GALNTL6: variants seen among roughly 807,000 people sequenced by gnomAD.
The protein encoded by GALNTL6 is polypeptide N-acetylgalactosaminyltransferase like 6.
In GALNTL6, 46 loss-of-function variants were observed where a neutral mutation model predicts 73.7. The observed-to-expected ratio is 0.62, with a 90% CI of 0.49 to 0.80. GALNTL6 has a LOEUF of 0.80. Ranked by LOEUF, GALNTL6 falls within the 30% of genes least tolerant of loss-of-function variation. The probability of loss-of-function intolerance (pLI) is 0.00; values close to 1 mark genes in which losing one functional copy is unlikely to be tolerated. For synonymous variants in GALNTL6, 259 were observed against 263.7 expected, an observed-to-expected ratio of 0.98 and a Z score of 0.17; for missense variants, 604 against 755.0, an observed-to-expected ratio of 0.80 and a Z score of 2.34.
At chr4:173,027,066 C>A (rs1347001603) in intron 12 of GALNTL6, among the ~76,000 whole-genome samples, 2 of 152,168 alleles carry the variant, frequency 1.3e-5, no homozygotes, top group African/African-American at 2.4e-5. Context: ...TGGCTCCCAG[C>A]AATCTCCACC....
intron 2 of GALNTL6, among the ~76,000 whole-genome samples, chr4:172,219,439 C>T (rs972537041): frequency 1.3e-5 from 2 of 151,440 alleles, no homozygotes; most frequent in African/African-American, 4.8e-5. Flanking sequence ...CCATTCAATT[C>T]CTATATTTAT....
chr4:172,971,677 G>A (rs1378548868), intron 10 of GALNTL6, among the ~76,000 whole-genome samples: 2 of 152,140 alleles, frequency 1.3e-5, no homozygotes, highest in Non-Finnish European at 2.9e-5. Flanking sequence ...GAGAAAGGTA[G>A]AGTTAGGCAT....
chr4:172,881,019 T>C (rs996422331), intron 7 of GALNTL6, among the ~76,000 whole-genome samples: 1 of 152,212 alleles, frequency 6.6e-6, no homozygotes, highest in African/African-American at 2.4e-5. Context: ...AGTGTAAGTT[T>C]TGGTGCCCTT....
chr4:172,442,284 A>C (rs1731862703), intron 5 of GALNTL6, among the ~76,000 whole-genome samples: 1 of 152,070 alleles, frequency 6.6e-6, no homozygotes, highest in African/African-American at 2.4e-5. Context: ...TCTCATTCTC[A>C]TATTTAAGTT....
At chr4:172,632,058 C>A (rs1739418635) in intron 5 of GALNTL6, among the ~76,000 whole-genome samples, 1 of 152,198 alleles carries the variant, frequency 6.6e-6, no homozygotes. Context: ...CTTTGTTCCT[C>A]TTTTGCCCTC....
At chr4:172,679,871 C>T (rs1732532368) in intron 5 of GALNTL6, among the ~76,000 whole-genome samples, 1 of 152,102 alleles carries the variant, frequency 6.6e-6, no homozygotes, top group African/African-American at 2.4e-5. Flanking sequence ...GTCTCCGTGT[C>T]TTCTCCCAAT....
chr4:172,226,315 C>T (rs7692991), intron 2 of GALNTL6, among the ~76,000 whole-genome samples: 10,810 of 152,182 alleles, frequency 0.071, 408 homozygotes, highest in South Asian at 0.091. Context: ...TCCAGTCTTT[C>T]CCTCAACCTC....
chr4:172,760,252 T>A lies in GALNTL6; in HGVS notation c.554-49109T>A, dbSNP rs74712766. 6.8e-4 allele frequency among the ~76,000 whole-genome samples: 104 copies of A among 152,312 alleles called. 1 individual carries two copies. In the East Asian group the frequency reaches 0.017, roughly 26 times the overall value. The stretch of plus-strand genomic sequence containing the variant: ...TACTTTGGTTTCTCAGAACCTCTGA[T>A]GTGGGCCAGTTCCTCCTTGTGGGTC... On this transcript the variant is annotated intron_variant, in intron 5 of 12. Transcript: ENST00000506823.
chr4:172,038,675 T>G (rs989781717), intron 2 of GALNTL6, among the ~76,000 whole-genome samples: 2 of 152,214 alleles, frequency 1.3e-5, no homozygotes, highest in Admixed American at 1.3e-4. Context: ...CACCGGTCAT[T>G]TGTTATTCAA....
chr4:172,577,445 A>T (rs1429156475), intron 5 of GALNTL6, among the ~76,000 whole-genome samples: 2 of 152,192 alleles, frequency 1.3e-5, no homozygotes, highest in East Asian at 3.9e-4. Context: ...TGGTCGACAT[A>T]ACATCACTGT....
At position 173,021,614 on chromosome 4, in the gene GALNTL6, G is replaced by C; in HGVS notation, c.1627G>C (p.Gly543Arg). 2.2e-5 allele frequency: 36 copies of C among 1,614,024 alleles called. No individual in the cohort carries two copies. Among genetic ancestry groups the C allele is most frequent in the Non-Finnish European group, 3.0e-5 (35 of 1,179,974 alleles). Reference protein sequence around the residue: ...CHGMKGNQLWGYRKDRTLFHP... With the variant: ...CHGMKGNQLWRYRKDRTLFHP... ...TGGCATGAAGGGGAACCAGCTCTGGGGATACCGGAAGGTAAGAGTCAGTCC... is the reference window on the plus strand; with the variant it reads ...TGGCATGAAGGGGAACCAGCTCTGGCGATACCGGAAGGTAAGAGTCAGTCC... Residue 543 changes from glycine (G) to arginine (R), a missense_variant, in exon 12 of 13, where the codon GGA (glycine) becomes CGA (arginine). Coordinates refer to ENST00000506823, the MANE Select transcript of GALNTL6 (RefSeq NM_001034845.3).
intron 5 of GALNTL6, among the ~76,000 whole-genome samples, chr4:172,390,795 A>T (rs1743640519): frequency 6.6e-6 from 1 of 152,226 alleles, no homozygotes; most frequent in South Asian, 2.1e-4. Context: ...GCTTTAATTA[A>T]TAGTGTTATA....
rs765984611 is a variant in GALNTL6 at position 171,853,012 on chromosome 4, AT to A, written c.138+38318del. On this transcript the variant is annotated intron_variant, in intron 2 of 12. Transcript: ENST00000506823. ...CAGGCGCCGCCACCACGCCCGGCTA[AT>A]TTTTTTTTTTTTTTTTTTTTTTTGT... Among the ~76,000 whole-genome samples the A allele has an allele frequency of 7.3e-3, 636 of 86,798 alleles. 2 individuals carry two copies. Among genetic ancestry groups the A allele is most frequent in the African/African-American group, 8.8e-3 (188 of 21,470 alleles). The allele number at this position is 86,798 out of a possible 152,430, so 56.9% of individuals were successfully genotyped here. A position where few individuals can be genotyped will look rare whatever the true frequency, so the allele number is the denominator to read the frequency against.
chr4:172,325,618 A>T (rs1488224121), intron 4 of GALNTL6, among the ~76,000 whole-genome samples: 1 of 151,974 alleles, frequency 6.6e-6, no homozygotes, highest in Non-Finnish European at 1.5e-5. Context: ...TGAGACAACT[A>T]TCAATCACTT....
intron 7 of GALNTL6, among the ~76,000 whole-genome samples, chr4:172,877,580 AAT>A (rs1745254587): frequency 6.6e-6 from 1 of 152,058 alleles, no homozygotes; most frequent in Non-Finnish European, 1.5e-5. Context: ...CTAAGTTTAG[AAT>A]ATAAAAATTG....
intron 2 of GALNTL6, among the ~76,000 whole-genome samples, chr4:172,106,736 CA>C (rs1340013501): frequency 6.6e-6 from 1 of 152,008 alleles, no homozygotes; most frequent in Non-Finnish European, 1.5e-5. Context: ...CAACTAAAAT[CA>C]AAGAGACATC....
chr4:172,048,935 C>T (rs1420630261), intron 2 of GALNTL6, among the ~76,000 whole-genome samples: 1 of 152,080 alleles, frequency 6.6e-6, no homozygotes, highest in African/African-American at 2.4e-5. Flanking sequence ...AAGAGCCAAG[C>T]TATAAAGCCT....
intron 2 of GALNTL6, among the ~76,000 whole-genome samples, chr4:171,891,796 A>G (rs577252991): frequency 6.6e-6 from 1 of 152,342 alleles, no homozygotes; most frequent in East Asian, 1.9e-4. Context: ...CAGTTAAACT[A>G]CGAATACTGT....
intron 3 of GALNTL6, among the ~76,000 whole-genome samples, chr4:172,300,943 G>T (rs1400659579): frequency 6.6e-6 from 1 of 152,138 alleles, no homozygotes; most frequent in Non-Finnish European, 1.5e-5. Context: ...AGTTCTCCTG[G>T]ATAATTTCCT....
Sources: allele counts gnomAD v4.1 joint callset (sites outside exome capture counted in the v4.1 genomes callset), GRCh38; gene constraint gnomAD v4.1.1; transcripts MANE v1.5; gene names NCBI Gene and HGNC (gene_info 2026-07-23, HGNC 2026-07-21).